Variants in SERPINE2 observed in about 807,000 individuals in gnomAD.
The protein encoded by SERPINE2 is glia-derived nexin.
SERPINE2 carries 14 observed loss-of-function variants against 36.3 expected under a neutral mutation model. That is an observed-to-expected ratio of 0.39 (90% CI 0.25 to 0.60). The LOEUF (loss-of-function observed/expected upper bound fraction) is 0.60. Among genes scored for constraint, SERPINE2 ranks in the 20% least tolerant of loss-of-function variants. SERPINE2 has a pLI of 0.57. For missense variants in SERPINE2, 418 were observed against 499.6 expected, an observed-to-expected ratio of 0.84 and a Z score of 1.56; for synonymous variants, 192 against 191.8, an observed-to-expected ratio of 1.00 and a Z score of -0.01.
intron 1 of SERPINE2, chr2:224,038,703 TG>T (rs1692611219): frequency 3.3e-6 from 2 of 611,546 alleles, no homozygotes; most frequent in East Asian, 5.5e-5. Flanking sequence ...GGGTAGGGGT[TG>T]CCGGCGAGCA....
chr2:224,010,021 T>G (rs1691569293), intron 1 of SERPINE2, among the ~76,000 whole-genome samples: 1 of 152,220 alleles, frequency 6.6e-6, no homozygotes, highest in South Asian at 2.1e-4. Context: ...GTATTCATTT[T>G]CCAAACATCT....
rs560852632 is a variant in SERPINE2, at chr2:224,016,997, G to A, written c.-22-15075C>T. Among the ~76,000 whole-genome samples the A allele has an allele frequency of 3.9e-5, 6 of 152,304 alleles. No individual in the cohort carries two copies. In the East Asian group the frequency reaches 1.2e-3, roughly 29 times the overall value. On this transcript the variant is annotated intron_variant, in intron 1 of 8. Coordinates refer to ENST00000409304, the MANE Select transcript of SERPINE2 (RefSeq NM_001136528.2). ...AGAGAGGGAAAGGGATGTGTGTGAC[G>A]ATAAAAGGGAGGCATGAGGGGTCCC...
chr2:223,998,061 A>G, intron 3 of SERPINE2, 54 bp downstream of exon 3: 1 of 1,438,998 alleles, frequency 6.9e-7, no homozygotes, highest in Non-Finnish European at 9.8e-7. Context: ...CTGGAGTCTA[A>G]CTCATGCTTC....
At position 223,980,338 on chromosome 2, in the gene SERPINE2, C is replaced by A; in HGVS notation, c.1045G>T (p.Asp349Tyr). The change falls in exon 7 of 9, where the codon GAT (aspartate) becomes TAT (tyrosine). Residue 349 changes from aspartate (D) to tyrosine (Y), a missense_variant. Coordinates refer to ENST00000409304, the MANE Select transcript of SERPINE2 (RefSeq NM_001136528.2). ...LQKAKIEVSEDGTKASAATTA... is the reference protein window; with the variant it reads ...LQKAKIEVSEYGTKASAATTA... Reference sequence around the variant, plus strand: ...GTTGCTGCTGAAGCTTTGGTTCCATCTTCACTGACTTCAATTTTTGCTTTT... The same window carrying A: ...GTTGCTGCTGAAGCTTTGGTTCCATATTCACTGACTTCAATTTTTGCTTTT... The A allele has an allele frequency of 6.2e-7, 1 of 1,614,144 alleles. No homozygotes were observed. The highest frequency in any genetic ancestry group is 8.5e-7 in the Non-Finnish European group (1 of 1,179,968).
At chr2:224,003,203 T>A (rs1691256743) in intron 1 of SERPINE2, among the ~76,000 whole-genome samples, 1 of 152,000 alleles carries the variant, frequency 6.6e-6, no homozygotes, top group East Asian at 1.9e-4. Flanking sequence ...GACGTGGGAA[T>A]AAACTTGGTG....
At position 223,975,060 on chromosome 2, in the gene SERPINE2, GTT is replaced by G; in HGVS notation, c.*805_*806del. 1 of 152,298 alleles carries G rather than the reference GTT, an allele frequency of 6.6e-6. No homozygotes were observed. Among genetic ancestry groups the G allele is most frequent in the South Asian group, 2.1e-4 (1 of 4,832 alleles). The allele number at this position is 152,298 out of a possible 1,614,324, so 9.4% of individuals were successfully genotyped here. A position where few individuals can be genotyped will look rare whatever the true frequency, so the allele number is the denominator to read the frequency against. The stretch of plus-strand genomic sequence containing the variant: ...GTCTCCGAGCTTTGAATTTCCTGAT[GTT>G]TACATAGTACAAAGGTTTATTAGAA... On this transcript the variant is annotated 3_prime_UTR_variant, in exon 9 of 9. Coordinates refer to ENST00000409304, the MANE Select transcript of SERPINE2 (RefSeq NM_001136528.2).
intron 6 of SERPINE2, chr2:223,982,478 T>C (rs1490826592): frequency 1.3e-5 from 6 of 454,924 alleles, no homozygotes; most frequent in South Asian, 3.1e-5. Flanking sequence ...ACTATTGAAA[T>C]AAAAAGATAA....
chr2:223,993,655 C>G (rs1574821754), intron 3 of SERPINE2, among the ~76,000 whole-genome samples: 1 of 152,088 alleles, frequency 6.6e-6, no homozygotes, highest in East Asian at 1.9e-4. Flanking sequence ...GCAAGAATAT[C>G]TAATTCAGGG....
intron 1 of SERPINE2, among the ~76,000 whole-genome samples, chr2:224,007,795 A>C (rs911683438): frequency 2.5e-4 from 38 of 152,230 alleles, no homozygotes; most frequent in African/African-American, 8.9e-4. Context: ...TGAAAAAAAC[A>C]GGTTATTTGC....
chr2:223,991,892 G>A lies in SERPINE2; in HGVS notation c.596C>T (p.Pro199Leu). 1.2e-6 allele frequency: 2 copies of A among 1,613,284 alleles called. No individual in the cohort carries two copies. The highest frequency in any genetic ancestry group is 1.7e-6 in the Non-Finnish European group (2 of 1,179,646). ...GAAAGTGCGTTTCTTTGTGTTCTCG[G>A]GTTGGAACCGTGATTTCCACAGACC... ...FKGLWKSRFQ[P>L]ENTKKRTFVA... is the part of the protein sequence containing the mutation. Residue 199 changes from proline (P) to leucine (L), a missense_variant, in exon 4 of 9, where the codon CCC (proline) becomes CTC (leucine). Pro to Leu is a moderately conservative substitution (Grantham distance 98). Coordinates refer to ENST00000409304, the MANE Select transcript of SERPINE2 (RefSeq NM_001136528.2).
At chr2:224,034,746 C>A (rs1001030602) in intron 1 of SERPINE2, among the ~76,000 whole-genome samples, 2 of 152,188 alleles carry the variant, frequency 1.3e-5, no homozygotes, top group East Asian at 3.9e-4. Flanking sequence ...ACAGACTCCC[C>A]ACTGCTGTTT....
chr2:223,987,450 C>T (rs559985151), intron 4 of SERPINE2, among the ~76,000 whole-genome samples: 2 of 152,224 alleles, frequency 1.3e-5, no homozygotes, highest in South Asian at 4.1e-4. Context: ...CTCTCATCGT[C>T]CCAGAGCTTT....
chr2:224,013,043 G>T (rs1228672197), intron 1 of SERPINE2, among the ~76,000 whole-genome samples: 6 of 152,160 alleles, frequency 3.9e-5, no homozygotes, highest in Non-Finnish European at 8.8e-5. Flanking sequence ...TGGTGAACAT[G>T]ATTTGACCTA....
At chr2:224,001,472 C>A (rs1035596796) in intron 2 of SERPINE2, 170 bp downstream of exon 2, 19 of 659,350 alleles carry the variant, frequency 2.9e-5, no homozygotes, top group East Asian at 2.8e-4. Flanking sequence ...CTGCCAGCAC[C>A]ACAGTGTTTG....
chr2:224,009,168 G>A (rs1480970899), intron 1 of SERPINE2, among the ~76,000 whole-genome samples: 3 of 152,046 alleles, frequency 2.0e-5, no homozygotes, highest in African/African-American at 4.8e-5. Flanking sequence ...GTGAGTCCCC[G>A]GATTTATCTC....
chr2:223,995,803 C>CA (rs1278831141), intron 3 of SERPINE2, among the ~76,000 whole-genome samples: 1 of 152,202 alleles, frequency 6.6e-6, no homozygotes, highest in Non-Finnish European at 1.5e-5. Context: ...GTCACCAGGA[C>CA]AACATGCCTG....
intron 1 of SERPINE2, among the ~76,000 whole-genome samples, chr2:224,011,325 A>T (rs1231280432): frequency 6.6e-6 from 1 of 152,206 alleles, no homozygotes; most frequent in African/African-American, 2.4e-5. Flanking sequence ...ACATGGAAGT[A>T]CCTTTTTTAG....
At chr2:223,981,320 C>A (rs1469334993) in intron 6 of SERPINE2, 2 of 152,184 alleles carry the variant, frequency 1.3e-5, no homozygotes, top group African/African-American at 2.4e-5. Context: ...ATTTCAGCTA[C>A]CATGAACAAC....
At chr2:223,997,155 C>A (rs1690921065) in intron 3 of SERPINE2, among the ~76,000 whole-genome samples, 1 of 152,208 alleles carries the variant, frequency 6.6e-6, no homozygotes, top group Non-Finnish European at 1.5e-5. Context: ...AGACCTACAG[C>A]TCCTCCTGCA....
Sources: allele counts gnomAD v4.1 joint callset (sites outside exome capture counted in the v4.1 genomes callset), GRCh38; gene constraint gnomAD v4.1.1; transcripts MANE v1.5; gene names NCBI Gene and HGNC (gene_info 2026-07-23, HGNC 2026-07-21).